The following RPAP1 variants were observed in gnomAD, a reference collection of about 807,000 sequenced individuals.
The protein encoded by RPAP1 is RNA polymerase II associated protein 1.
In RPAP1, 109 loss-of-function variants were observed where a neutral mutation model predicts 142.4. That is an observed-to-expected ratio of 0.77 (90% CI 0.66 to 0.90). The LOEUF (loss-of-function observed/expected upper bound fraction) is 0.90, where lower values mean the gene tolerates loss of function less well. RPAP1 is among the 40% of genes least tolerant of loss of function. The pLI is 0.00. For missense variants in RPAP1, 1,546 were observed against 1,751.7 expected, an observed-to-expected ratio of 0.88 and a Z score of 2.10; for synonymous variants, 704 against 738.9, an observed-to-expected ratio of 0.95 and a Z score of 0.77.
At chr15:41,517,905 C>T (rs764512551) in intron 23 of RPAP1, 48 bp from the exon 24 acceptor site, 2 of 1,613,608 alleles carry the variant, frequency 1.2e-6, no homozygotes, top group Non-Finnish European at 1.7e-6. Context: ...GGCTGGTACC[C>T]ACCACTGGCC....
intron 1 of RPAP1, among the ~76,000 whole-genome samples, chr15:41,541,324 G>A (rs1028838689): frequency 2.6e-5 from 4 of 151,770 alleles, no homozygotes; most frequent in Non-Finnish European, 5.9e-5. Flanking sequence ...TTGGGAGGCT[G>A]AGGCAGGAGA....
intron 20 of RPAP1, 83 bp from the exon 21 acceptor site, chr15:41,521,963 G>T: frequency 6.4e-7 from 1 of 1,569,102 alleles, no homozygotes. Context: ...TAAAAGTGAG[G>T]CTGAAGGGCA....
At chr15:41,533,010 C>CATATGAGACCAAGTAGATCT (rs2051869967) in intron 6 of RPAP1, among the ~76,000 whole-genome samples, 1 of 138,730 alleles carries the variant, frequency 7.2e-6, no homozygotes, top group African/African-American at 2.7e-5. Context: ...AAAAGCAGGG[C>CATATGAGACCAAGTAGATCT]ATATGAGACC....
intron 1 of RPAP1, among the ~76,000 whole-genome samples, chr15:41,539,212 C>T (rs1390141750): frequency 1.3e-5 from 2 of 151,956 alleles, no homozygotes; most frequent in Admixed American, 6.6e-5. Flanking sequence ...GGGCTTAAGC[C>T]GTCCTCCCAC....
At chr15:41,535,219 T>G in intron 5 of RPAP1, among the ~76,000 whole-genome samples, 1 of 152,206 alleles carries the variant, frequency 6.6e-6, no homozygotes, top group East Asian at 1.9e-4. Context: ...TCCCAGCTGT[T>G]AAGCTAATAA....
In RPAP1 at chr15:41,527,661, A is replaced by T. The variant is rs555781607; in HGVS notation, c.1429-56T>A. ...GCTGAAGGGGCCAGGAAATGGATCCAGGAGTAGAGAGGATGCTCCCCAATA... is the reference window on the plus strand; with the variant it reads ...GCTGAAGGGGCCAGGAAATGGATCCTGGAGTAGAGAGGATGCTCCCCAATA... On this transcript the variant is annotated intron_variant, in intron 11 of 24. Coordinates refer to ENST00000304330, the MANE Select transcript of RPAP1 (RefSeq NM_015540.4). 32 of 1,529,410 alleles carry T rather than the reference A, an allele frequency of 2.1e-5. No individual in the cohort carries two copies. In the South Asian group the frequency reaches 3.8e-4, roughly 18 times the overall value. The allele number at this position is 1,529,410 out of a possible 1,614,324, so 94.7% of individuals were successfully genotyped here. A position where few individuals can be genotyped will look rare whatever the true frequency, so the allele number is the denominator to read the frequency against.
At chr15:41,530,764 T>G (rs1595485480) in intron 7 of RPAP1, among the ~76,000 whole-genome samples, 2 of 151,458 alleles carry the variant, frequency 1.3e-5, no homozygotes, top group South Asian at 2.1e-4. Context: ...GCGGGTGGAG[T>G]GGGATTCAGC....
rs765188434 is a variant in RPAP1, at chr15:41,520,360, C to G, written c.3795+31G>C. The G allele has an allele frequency of 4.6e-5, 74 of 1,610,254 alleles. No homozygotes were observed. The Middle Eastern group carries it at 4.9e-4, about 11-fold the overall frequency. On this transcript the variant is annotated intron_variant, in intron 22 of 24. Transcript: ENST00000304330. ...GCCCCCGAGGCCCAGTGCAGGGTACCCTTGCAGGTCCTGCTGGGCTGAGAA... is the reference window on the plus strand; with the variant it reads ...GCCCCCGAGGCCCAGTGCAGGGTACGCTTGCAGGTCCTGCTGGGCTGAGAA...
At chr15:41,528,382 T>G in intron 9 of RPAP1, 46 bp from the exon 10 acceptor site, 1 of 1,356,852 alleles carries the variant, frequency 7.4e-7, no homozygotes, top group Non-Finnish European at 1.0e-6. Flanking sequence ...TACAGCACAG[T>G]GCCCCCAAAA....
chr15:41,536,266 C>G, intron 3 of RPAP1, 48 bp from the exon 4 acceptor site: 2 of 1,552,076 alleles, frequency 1.3e-6, no homozygotes, highest in Non-Finnish European at 1.8e-6. Context: ...AGAAACTTCC[C>G]CAGGCTGGAC....
Position 41,525,080 on chromosome 15 carries a change from C to A in RPAP1, c.1986G>T (p.Leu662Phe). The change falls in exon 15 of 25, where the codon TTG becomes TTT. Residue 662 changes from leucine (L) to phenylalanine (F), a missense_variant. Around this residue, in one of 3 missense-constraint regions of RPAP1, gnomAD observed 1,333 missense variants for 1,486.6 expected, o/e 0.90. Transcript: ENST00000304330. ...TCAGCATCTCAGCTTCCTCTGGGGG[C>A]AAGGCCAGTTCTTGGGGAGCCTCAG... is the stretch of plus-strand genomic sequence containing the variant. ...IIAEAPQELA[L>F]PPEEAEMLST... 1 of 1,614,020 alleles carries A rather than the reference C, an allele frequency of 6.2e-7. No homozygotes were observed. The highest frequency in any genetic ancestry group is 8.5e-7 in the Non-Finnish European group (1 of 1,179,968).
rs2140753053 is a variant in RPAP1 at position 41,518,073 on chromosome 15, G to A, written c.3905C>T (p.Pro1302Leu). ...AGCCACAGCCACAGCATAGAGCACGGGGCACCAACGTGGGCGGAGCGCACC... is the reference window on the plus strand; with the variant it reads ...AGCCACAGCCACAGCATAGAGCACGAGGCACCAACGTGGGCGGAGCGCACC... ...VTGALRPRWC[P>L]VLYAVAVAHV... The change falls in exon 23 of 25, where the codon CCC becomes CTC. Residue 1302 changes from proline (P) to leucine (L), a missense_variant. Physicochemically the swap from Pro to Leu is moderately conservative, Grantham distance 98. This residue lies in a region of RPAP1 where 210 missense variants were observed against 248.0 expected (regional missense o/e 0.85). Transcript: ENST00000304330. 1 of 1,612,478 alleles carries A rather than the reference G, an allele frequency of 6.2e-7. No individual in the cohort carries two copies. The highest frequency in any genetic ancestry group is 8.5e-7 in the Non-Finnish European group (1 of 1,179,572).
chr15:41,536,484 G>A lies in RPAP1; in HGVS notation c.330+17C>T. The A allele has an allele frequency of 6.2e-7, 1 of 1,613,644 alleles. No homozygotes were observed. Among genetic ancestry groups the A allele is most frequent in the Non-Finnish European group, 8.5e-7 (1 of 1,179,794 alleles). ...GCCCTAGAACATCTTATCCTACTCA[G>A]CCAGAGTGAGACGCACAATAATCTT... is the stretch of plus-strand genomic sequence containing the variant. On this transcript the variant is annotated intron_variant, in intron 3 of 24. Coordinates refer to ENST00000304330, the MANE Select transcript of RPAP1 (RefSeq NM_015540.4).
At chr15:41,529,616 T>G in intron 8 of RPAP1, 48 bp from the exon 9 acceptor site, 1 of 1,331,578 alleles carries the variant, frequency 7.5e-7, no homozygotes, top group Non-Finnish European at 1.1e-6. Context: ...CCAGCAACCT[T>G]CCCACACCCA....
intron 22 of RPAP1, among the ~76,000 whole-genome samples, chr15:41,519,332 G>A (rs772350969): frequency 6.6e-6 from 1 of 151,562 alleles, no homozygotes; most frequent in Non-Finnish European, 1.5e-5. Flanking sequence ...CTCAGCCTCC[G>A]GAGTAGCTGG....
intron 6 of RPAP1, 45 bp from the exon 7 acceptor site, chr15:41,531,247 C>A: frequency 1.3e-6 from 2 of 1,560,404 alleles, no homozygotes; most frequent in Non-Finnish European, 1.8e-6. Flanking sequence ...GTAGATCCTC[C>A]CTGGCCTCCT....
intron 5 of RPAP1, 25 bp from the exon 6 acceptor site, chr15:41,534,960 C>A (rs376204686): frequency 1.2e-6 from 2 of 1,607,688 alleles, no homozygotes; most frequent in East Asian, 2.2e-5. Context: ...TGATCACATT[C>A]ATTGCTCTGT....
At chr15:41,531,617 ATATATATATATTTTTT>A (rs2051849423) in intron 6 of RPAP1, among the ~76,000 whole-genome samples, 1 of 95,046 alleles carries the variant, frequency 1.1e-5, no homozygotes, top group Admixed American at 1.1e-4. Flanking sequence ...ATATATATAT[ATATATATATATTTTTT>A]TTTTTTTTTT....
chr15:41,525,438 AAG>A (rs1161096249), intron 14 of RPAP1, among the ~76,000 whole-genome samples: 2 of 148,096 alleles, frequency 1.4e-5, no homozygotes, highest in Admixed American at 6.7e-5. Flanking sequence ...TCCCAGGTTC[AAG>A]AGACTCTCCT....
Sources: allele counts gnomAD v4.1 joint callset (sites outside exome capture counted in the v4.1 genomes callset), GRCh38; gene constraint gnomAD v4.1.1; regional missense constraint gnomAD v4.1.1; transcripts MANE v1.5; gene names NCBI Gene and HGNC (gene_info 2026-07-23, HGNC 2026-07-21).